ZNF638: variants seen among roughly 807,000 people sequenced by gnomAD.
ZNF638 encodes the protein CTCL tumor antigen se33-1.
In ZNF638, 46 loss-of-function variants were observed where a neutral mutation model predicts 195.6. That is an observed-to-expected ratio of 0.24 (90% confidence interval 0.19 to 0.30). The LOEUF (loss-of-function observed/expected upper bound fraction) is 0.30, where lower values mean the gene tolerates loss of function less well. ZNF638 is among the 10% of genes least tolerant of loss of function. ZNF638 has a pLI of 1.00. For missense variants in ZNF638, 2,440 were observed against 2,325.3 expected (o/e 1.05, Z -1.01); for synonymous variants, 845 against 772.0 (o/e 1.09, Z -1.57).
At chr2:71,368,624 A>G (rs944161864) in intron 7 of ZNF638, 96 bp downstream of exon 7, 2 of 1,279,724 alleles carry the variant, frequency 1.6e-6, no homozygotes, top group African/African-American at 1.5e-5. Context: ...TGTACTGCAT[A>G]TATAATTGTT....
chr2:71,355,370 G>T (rs1274700317), intron 2 of ZNF638, among the ~76,000 whole-genome samples: 2 of 152,012 alleles, frequency 1.3e-5, no homozygotes, highest in African/African-American at 4.8e-5. Flanking sequence ...ATTTTTTGGT[G>T]TTTTCTGGTG....
chr2:71,419,974 C>CTTTTTTTTTTTTTTT (rs58583336), intron 21 of ZNF638, among the ~76,000 whole-genome samples: 1 of 27,034 alleles, frequency 3.7e-5, no homozygotes, highest in African/African-American at 1.6e-4. Context: ...CCCCCCCCGC[C>CTTTTTTTTTTTTTTT]TTTTTTTTTT....
rs534264855 is a variant in ZNF638 at position 71,391,547 on chromosome 2, A to T, written c.2378-4594A>T. Among the ~76,000 whole-genome samples, 119 of 152,318 alleles carry T rather than the reference A, an allele frequency of 7.8e-4. 1 individual carries two copies. Among genetic ancestry groups the T allele is most frequent in the African/African-American group, 2.8e-3 (117 of 41,584 alleles). ...ACAGAGCCAATACTTTTGAGTTTAT[A>T]TGCCTCTGTCGTTAAGATGTTAATC... On this transcript the variant is annotated intron_variant, in intron 10 of 27. Coordinates refer to ENST00000264447, the MANE Select transcript of ZNF638 (RefSeq NM_014497.5).
chr2:71,417,440 C>G (rs532862585), intron 20 of ZNF638, among the ~76,000 whole-genome samples: 17 of 152,078 alleles, frequency 1.1e-4, no homozygotes, highest in Non-Finnish European at 2.1e-4. Context: ...CCGTCTTCTG[C>G]GTCGCTCACG....
rs376944444 is a variant in ZNF638, at chr2:71,433,164, G to A, written c.5753-1G>A. On this transcript the variant is annotated splice_acceptor_variant, in intron 26 of 27. Coordinates refer to ENST00000264447, the MANE Select transcript of ZNF638 (RefSeq NM_014497.5). LOFTEE classifies it high-confidence loss of function. Reference sequence around the variant, plus strand: ...TCTTCTTGTCTCTTCTTATCCTCTAGAATTAGACTTTCTTGTACCTAAGGC... The same window carrying A: ...TCTTCTTGTCTCTTCTTATCCTCTAAAATTAGACTTTCTTGTACCTAAGGC... 1.8e-5 allele frequency: 29 copies of A among 1,586,376 alleles called. No individual in the cohort carries two copies. Among genetic ancestry groups the A allele is most frequent in the Non-Finnish European group, 2.4e-5 (28 of 1,155,332 alleles).
chr2:71,347,995 A>G (rs1279317816), intron 1 of ZNF638, among the ~76,000 whole-genome samples: 1 of 152,232 alleles, frequency 6.6e-6, no homozygotes, highest in Non-Finnish European at 1.5e-5. Flanking sequence ...TTTAAAGTTC[A>G]TAGAACGCTG....
rs747571026 is a variant in ZNF638, at chr2:71,333,424, CAT to C, written c.-203+1552_-203+1553del. Among the ~76,000 whole-genome samples, 12 of 152,236 alleles carry C rather than the reference CAT, an allele frequency of 7.9e-5. No homozygotes were observed. The South Asian group carries it at 1.0e-3, about 13-fold the overall frequency. ...AGTTTTCATAATGTGTTTATGGTCACATATTTATTGTATATTGGTTGTATTTG... is the reference window on the plus strand; with the variant it reads ...AGTTTTCATAATGTGTTTATGGTCACATTTATTGTATATTGGTTGTATTTG... On this transcript the variant is annotated intron_variant, in intron 1 of 27. Transcript: ENST00000264447.
intron 2 of ZNF638, among the ~76,000 whole-genome samples, chr2:71,355,465 C>T (rs1217732053): frequency 1.3e-5 from 2 of 152,158 alleles, no homozygotes; most frequent in Non-Finnish European, 2.9e-5. Flanking sequence ...AAATGAGCAT[C>T]CACGGGTATG....
intron 2 of ZNF638, among the ~76,000 whole-genome samples, chr2:71,353,843 C>T (rs1391494267): frequency 6.6e-6 from 1 of 152,186 alleles, no homozygotes; most frequent in Non-Finnish European, 1.5e-5. Flanking sequence ...ACTGCCTGCA[C>T]CAGTGTGTCT....
intron 21 of ZNF638, among the ~76,000 whole-genome samples, chr2:71,422,264 T>C (rs1452982074): frequency 1.3e-5 from 2 of 152,042 alleles, no homozygotes; most frequent in Non-Finnish European, 2.9e-5. Context: ...TTAATAAATA[T>C]GGTTCTTGGG....
chr2:71,367,680 C>A (rs1189542207), intron 6 of ZNF638, among the ~76,000 whole-genome samples: 1 of 151,454 alleles, frequency 6.6e-6, no homozygotes, highest in East Asian at 1.9e-4. Flanking sequence ...ACCTTGTGAT[C>A]TATCCACCTT....
intron 26 of ZNF638, 101 bp from the exon 27 acceptor site, chr2:71,433,064 A>T: frequency 2.1e-6 from 2 of 964,120 alleles, no homozygotes; most frequent in Non-Finnish European, 3.2e-6. Flanking sequence ...TCCAACCTGG[A>T]TGACAGAGTG....
chr2:71,383,744 C>CTTT (rs911748490), intron 10 of ZNF638, among the ~76,000 whole-genome samples: 2 of 92,534 alleles, frequency 2.2e-5, no homozygotes, highest in East Asian at 2.6e-4. Flanking sequence ...GCTAATTTTT[C>CTTT]TTTTTTTTTT....
At chr2:71,380,193 C>A in intron 8 of ZNF638, 29 bp from the exon 9 acceptor site, 2 of 1,414,660 alleles carry the variant, frequency 1.4e-6, no homozygotes, top group Non-Finnish European at 1.9e-6. Flanking sequence ...TACTAAATTT[C>A]TTTTGTTCAA....
At chr2:71,343,747 G>GTTTGAA (rs2078803249) in intron 1 of ZNF638, among the ~76,000 whole-genome samples, 1 of 152,092 alleles carries the variant, frequency 6.6e-6, no homozygotes, top group Non-Finnish European at 1.5e-5. Context: ...GACTCTTATA[G>GTTTGAA]TTTGAATTTG....
At chr2:71,399,074 G>A (rs2079952123) in intron 12 of ZNF638, among the ~76,000 whole-genome samples, 1 of 151,926 alleles carries the variant, frequency 6.6e-6, no homozygotes, top group African/African-American at 2.4e-5. Flanking sequence ...GCTTTTTTTA[G>A]AGTTGTCAAT....
intron 12 of ZNF638, 77 bp downstream of exon 12, chr2:71,398,849 T>G: frequency 7.7e-7 from 1 of 1,291,920 alleles, no homozygotes. Context: ...ATTTTTAGCA[T>G]CTAATACTTG....
intron 20 of ZNF638, chr2:71,418,152 T>TA (rs1388670171): frequency 2.0e-5 from 3 of 152,370 alleles, no homozygotes; most frequent in Non-Finnish European, 4.4e-5. Flanking sequence ...ATTTATCAGA[T>TA]ATCAGACAAA....
intron 27 of ZNF638, among the ~76,000 whole-genome samples, chr2:71,434,540 C>T (rs2080729053): frequency 6.6e-6 from 1 of 152,168 alleles, no homozygotes; most frequent in African/African-American, 2.4e-5. Flanking sequence ...ACCGAATCCT[C>T]AGGCACCAAG....
Sources: allele counts gnomAD v4.1 joint callset (sites outside exome capture counted in the v4.1 genomes callset), GRCh38; gene constraint gnomAD v4.1.1; transcripts MANE v1.5; gene names NCBI Gene and HGNC (gene_info 2026-07-23, HGNC 2026-07-21).